Variants in ATP2A1 observed in about 807,000 individuals in gnomAD.
ATP2A1 encodes ATPase sarcoplasmic/endoplasmic reticulum Ca2+ transporting 1.
ATP2A1 carries 83 observed loss-of-function variants against 109.5 expected under a neutral mutation model. The ratio of observed to expected loss-of-function variants is 0.76; its 90% CI spans 0.63 to 0.91. The LOEUF is 0.91. Ranked by LOEUF, ATP2A1 falls within the 40% of genes least tolerant of loss-of-function variation. The pLI is 0.00. For synonymous variants in ATP2A1, 505 were observed against 537.6 expected (o/e 0.94, Z 0.84); for missense variants, 1,101 against 1,341.0 (o/e 0.82, Z 2.80).
chr16:28,904,134 G>A (rs779406412), intron 22 of ATP2A1, 46 bp from the exon 23 acceptor site: 23 of 1,542,756 alleles, frequency 1.5e-5, no homozygotes, highest in African/African-American at 1.4e-5. Context: ...GAGGGACCTC[G>A]CTGCCCTCCT....
chr16:28,898,968 C>T lies in ATP2A1; in HGVS notation c.1764+517C>T, dbSNP rs944477626. Among the ~76,000 whole-genome samples the T allele has an allele frequency of 6.6e-6, 1 of 151,658 alleles. No individual in the cohort carries two copies. Among genetic ancestry groups the T allele is most frequent in the African/African-American group, 2.4e-5 (1 of 41,228 alleles). ...ACTGCACTCCAGCCTGCATGACAAG[C>T]AAGGCCCTGTCTCTAAAAACAAAAA... On this transcript the variant is annotated intron_variant, in intron 14 of 22. Transcript: ENST00000395503. This position sits in a 1 kb window ranked among gnomAD's most constrained non-coding sequence, Gnocchi z 4.0.
At position 28,903,188 on chromosome 16, in the gene ATP2A1, G is replaced by A; in HGVS notation, c.2862+41G>A. ...CCCAGGGCCGCCCACCCCAGCACTG[G>A]GGAGCCCACGGCGGGCCCATGACCA... On this transcript the variant is annotated intron_variant, in intron 20 of 22. Coordinates refer to ENST00000395503, the MANE Select transcript of ATP2A1 (RefSeq NM_004320.6). This position sits in a 1 kb window ranked among gnomAD's most constrained non-coding sequence, Gnocchi z 5.6. 1 of 1,607,508 alleles carries A rather than the reference G, an allele frequency of 6.2e-7. No individual in the cohort carries two copies. The highest frequency in any genetic ancestry group is 8.5e-7 in the Non-Finnish European group (1 of 1,174,834).
chr16:28,893,412 C>G (rs1490831076), intron 9 of ATP2A1, among the ~76,000 whole-genome samples: 1 of 150,566 alleles, frequency 6.6e-6, no homozygotes, highest in Non-Finnish European at 1.5e-5. Flanking sequence ...TCTTAAAAAA[C>G]AAAAAGAAAA....
In ATP2A1 at chr16:28,900,626, C is replaced by T. The variant is rs765984663; in HGVS notation, c.1810C>T (p.Arg604Cys). Residue 604 changes from arginine (R) to cysteine (C), a missense_variant, in exon 15 of 23, where the codon CGC becomes TGC. By Grantham distance (180) the Arg-to-Cys change is radical. Coordinates refer to ENST00000395503, the MANE Select transcript of ATP2A1 (RefSeq NM_004320.6). ...TGTAGTGGGCATGCTGGACCCTCCG[C>T]GCAAGGAGGTCACGGGCTCCATCCA... The part of the protein sequence containing the change: ...VGVVGMLDPP[R>C]KEVTGSIQLC... The T allele has an allele frequency of 1.1e-5, 17 of 1,594,260 alleles. No homozygotes were observed. Among genetic ancestry groups the T allele is most frequent in the Non-Finnish European group, 1.2e-5 (14 of 1,167,734 alleles).
chr16:28,887,289 A>G lies in ATP2A1; in HGVS notation c.630+15A>G, dbSNP rs372054280. 6.2e-7 allele frequency: 1 copy of G among 1,613,958 alleles called. No homozygotes were observed. The highest frequency in any genetic ancestry group is 8.5e-7 in the Non-Finnish European group (1 of 1,179,894). On this transcript the variant is annotated intron_variant, in intron 7 of 22. Transcript: ENST00000395503. ...TGCTTTTCTCGGTGAGCAATCCGGGACCAGCCATCACACACTCAGTCAAGC... is the reference window on the plus strand; with the variant it reads ...TGCTTTTCTCGGTGAGCAATCCGGGGCCAGCCATCACACACTCAGTCAAGC...
chr16:28,900,936 T>C lies in ATP2A1; in HGVS notation c.2100+20T>C. On this transcript the variant is annotated intron_variant, in intron 15 of 22. Coordinates refer to ENST00000395503, the MANE Select transcript of ATP2A1 (RefSeq NM_004320.6). ...GCCATGGTGAGAGGGCCCAGGCAGCTGCAGCCTTAGTGTCCACGGAGATGA... is the reference window on the plus strand; with the variant it reads ...GCCATGGTGAGAGGGCCCAGGCAGCCGCAGCCTTAGTGTCCACGGAGATGA... The C allele has an allele frequency of 6.2e-7, 1 of 1,613,718 alleles. No individual in the cohort carries two copies. The highest frequency in any genetic ancestry group is 8.5e-7 in the Non-Finnish European group (1 of 1,179,730).
At chr16:28,879,465 C>T (rs1477372358) in intron 2 of ATP2A1, 36 bp from the exon 3 acceptor site, 2 of 1,601,256 alleles carry the variant, frequency 1.2e-6, no homozygotes, top group East Asian at 2.2e-5. Context: ...CCCACTAGAC[C>T]TTAACCCGGG....
intron 4 of ATP2A1, among the ~76,000 whole-genome samples, chr16:28,882,204 C>G (rs1210356749): frequency 6.6e-6 from 1 of 150,616 alleles, no homozygotes; most frequent in Non-Finnish European, 1.5e-5. Flanking sequence ...AGTGATCCGC[C>G]TGCCTCAGCC....
chr16:28,883,483 C>G lies in ATP2A1; in HGVS notation c.463+894C>G, dbSNP rs1336141491. On this transcript the variant is annotated intron_variant, in intron 5 of 22. Transcript: ENST00000395503. The surrounding 1 kb of genome is among the most constrained non-coding windows in gnomAD (Gnocchi z 5.2). The stretch of plus-strand genomic sequence containing the variant: ...TCTATCCCGACCTCCCTCCTCCCTC[C>G]TCGGTCCATTTCCTCTGGCACAGGA... Among the ~76,000 whole-genome samples the G allele has an allele frequency of 6.6e-6, 1 of 152,180 alleles. No individual in the cohort carries two copies. The highest frequency in any genetic ancestry group is 1.9e-4 in the East Asian group (1 of 5,192).
At chr16:28,899,716 T>G (rs1177471981) in intron 14 of ATP2A1, among the ~76,000 whole-genome samples, 1 of 128,188 alleles carries the variant, frequency 7.8e-6, no homozygotes, top group Admixed American at 9.7e-5. Context: ...ATGCCAGCAC[T>G]TTGGGAGGCC....
At position 28,887,483 on chromosome 16, in the gene ATP2A1, C is replaced by T. The variant is rs753502659; in HGVS notation, c.689C>T (p.Thr230Ile). 1 of 1,614,078 alleles carries T rather than the reference C, an allele frequency of 6.2e-7. No individual in the cohort carries two copies. Among genetic ancestry groups the T allele is most frequent in the Non-Finnish European group, 8.5e-7 (1 of 1,180,020 alleles). ...LGIVATTGVGTEIGKIRDQMA... is the reference protein window; with the variant it reads ...LGIVATTGVGIEIGKIRDQMA... The stretch of plus-strand genomic sequence containing the variant: ...ATCGTGGCCACCACTGGTGTGGGCA[C>T]CGAGATTGGGAAGATCCGAGACCAA... The change falls in exon 8 of 23, where the codon ACC becomes ATC. Residue 230 changes from threonine to isoleucine, a missense_variant. Thr to Ile is a moderately conservative substitution (Grantham distance 89). Coordinates refer to ENST00000395503, the MANE Select transcript of ATP2A1 (RefSeq NM_004320.6).
rs374728205 is a variant in ATP2A1 at position 28,893,796 on chromosome 16, C to T, written c.1096-359C>T. On this transcript the variant is annotated intron_variant, in intron 9 of 22. Transcript: ENST00000395503. Reference sequence around the variant, plus strand: ...TCCAGAGTAGCTGGGATTACAGGCGCGCACCACCACACCTGGCTAATTTTT... The same window carrying T: ...TCCAGAGTAGCTGGGATTACAGGCGTGCACCACCACACCTGGCTAATTTTT... 4.0e-4 allele frequency among the ~76,000 whole-genome samples: 61 copies of T among 151,758 alleles called. 1 individual carries two copies. Among genetic ancestry groups the T allele is most frequent in the African/African-American group, 1.0e-3 (43 of 41,366 alleles).
chr16:28,882,373 C>T, intron 4 of ATP2A1, 78 bp from the exon 5 acceptor site: 19 of 1,606,194 alleles, frequency 1.2e-5, no homozygotes, highest in South Asian at 2.2e-5. Context: ...GTTTTGTTGC[C>T]TCCCCCGTGC....
intron 6 of ATP2A1, among the ~76,000 whole-genome samples, chr16:28,886,701 G>A (rs866114768): frequency 4.0e-4 from 61 of 151,458 alleles, no homozygotes; most frequent in African/African-American, 1.4e-3. Flanking sequence ...TTTAAGAGCC[G>A]TGGACTTCTG....
In ATP2A1 at chr16:28,902,501, A is replaced by G. The variant is rs1964109139; in HGVS notation, c.2525-79A>G. 7.0e-6 allele frequency: 11 copies of G among 1,566,250 alleles called. No homozygotes were observed. Among genetic ancestry groups the G allele is most frequent in the Non-Finnish European group, 9.6e-6 (11 of 1,143,660 alleles). On this transcript the variant is annotated intron_variant, in intron 17 of 22. Coordinates refer to ENST00000395503, the MANE Select transcript of ATP2A1 (RefSeq NM_004320.6). The surrounding 1 kb of genome is among the most constrained non-coding windows in gnomAD (Gnocchi z 4.8). ...GTCTTCTTCCTTGGCCAGCCTGTCC[A>G]TGGCCACATGAGGCCCTCAACCCTC...
At chr16:28,900,465 C>T in intron 14 of ATP2A1, 116 bp from the exon 15 acceptor site, 1 of 931,624 alleles carries the variant, frequency 1.1e-6, no homozygotes, top group Non-Finnish European at 1.5e-6. Flanking sequence ...TTCAGGCTTC[C>T]CACCCCTCCC....
Position 28,880,860 on chromosome 16 carries a change from C to T in ATP2A1, c.220-55C>T. 6.6e-7 allele frequency: 1 copy of T among 1,512,614 alleles called. No homozygotes were observed. The highest frequency in any genetic ancestry group is 9.2e-7 in the Non-Finnish European group (1 of 1,087,742). The allele number at this position is 1,512,614 out of a possible 1,614,324, so 93.7% of individuals were successfully genotyped here. ...CCCTTTGCAGTGGTCCACTTCCTTT[C>T]TCCATCTGTTTTGGGGCCTCATTAC... On this transcript the variant is annotated intron_variant, in intron 3 of 22. Coordinates refer to ENST00000395503, the MANE Select transcript of ATP2A1 (RefSeq NM_004320.6). This position sits in a 1 kb window ranked among gnomAD's most constrained non-coding sequence, Gnocchi z 4.2.
At chr16:28,878,816 G>A (rs948154175) in intron 1 of ATP2A1, 27 bp downstream of exon 1, 9 of 1,606,094 alleles carry the variant, frequency 5.6e-6, no homozygotes, top group Non-Finnish European at 6.8e-6. Flanking sequence ...AGAGCGGCTG[G>A]TAATTAATGC....
intron 9 of ATP2A1, among the ~76,000 whole-genome samples, chr16:28,892,898 G>A (rs1963812148): frequency 6.6e-6 from 1 of 152,140 alleles, no homozygotes; most frequent in African/African-American, 2.4e-5. Context: ...TACAAAATTA[G>A]CTGGGCGTGG....
Sources: allele counts gnomAD v4.1 joint callset (sites outside exome capture counted in the v4.1 genomes callset), GRCh38; gene constraint gnomAD v4.1.1; non-coding constraint Gnocchi (gnomAD v3.1); transcripts MANE v1.5; gene names NCBI Gene and HGNC (gene_info 2026-07-23, HGNC 2026-07-21).